ARHGAP32: variants seen among roughly 807,000 people sequenced by gnomAD.
ARHGAP32 encodes Rho GTPase activating protein 32.
In ARHGAP32, 51 loss-of-function variants were observed where a neutral mutation model predicts 186.5. That is an observed-to-expected ratio of 0.27 (90% CI 0.22 to 0.35). The LOEUF (loss-of-function observed/expected upper bound fraction) is 0.35. Among genes scored for constraint, ARHGAP32 ranks in the 10% least tolerant of loss-of-function variants. The pLI is 1.00. For synonymous variants in ARHGAP32, 950 were observed against 964.3 expected, an observed-to-expected ratio of 0.99 and a Z score of 0.27; for missense variants, 2,186 against 2,623.5, an observed-to-expected ratio of 0.83 and a Z score of 3.64.
chr11:128,985,981 G>T, intron 15 of ARHGAP32, 22 bp downstream of exon 15: 1 of 1,588,200 alleles, frequency 6.3e-7, no homozygotes, highest in East Asian at 2.3e-5. Flanking sequence ...CCTCTGCCTG[G>T]TATTTACCCA....
At chr11:129,109,403 C>T (rs1223804584) in intron 5 of ARHGAP32, among the ~76,000 whole-genome samples, 1 of 151,982 alleles carries the variant, frequency 6.6e-6, no homozygotes, top group African/African-American at 2.4e-5. Flanking sequence ...GGGTATCAAT[C>T]CGATACACTG....
At chr11:129,170,887 C>A (rs1291457330) in intron 1 of ARHGAP32, among the ~76,000 whole-genome samples, 1 of 152,138 alleles carries the variant, frequency 6.6e-6, no homozygotes, top group South Asian at 2.1e-4. Context: ...TGGTGTCTCA[C>A]TGTGGTTTTG....
At chr11:128,982,136 G>A (rs1945720957) in intron 15 of ARHGAP32, among the ~76,000 whole-genome samples, 200 bp from the exon 16 acceptor site, 1 of 152,104 alleles carries the variant, frequency 6.6e-6, no homozygotes, top group Non-Finnish European at 1.5e-5. Flanking sequence ...CTAGTTTCTG[G>A]AACAAATAAT....
At chr11:129,072,011 C>A (rs890720459) in intron 6 of ARHGAP32, among the ~76,000 whole-genome samples, 1 of 152,076 alleles carries the variant, frequency 6.6e-6, no homozygotes, top group Non-Finnish European at 1.5e-5. Context: ...CAACTGAATT[C>A]ATAGAAGCAG....
At chr11:129,166,926 G>C (rs1943652738) in intron 1 of ARHGAP32, among the ~76,000 whole-genome samples, 1 of 152,206 alleles carries the variant, frequency 6.6e-6, no homozygotes, top group Admixed American at 6.5e-5. Flanking sequence ...CAGTCAAACA[G>C]TTTAGGATTT....
chr11:129,266,732 G>A (rs1384769631), intron 1 of ARHGAP32, among the ~76,000 whole-genome samples: 1 of 152,156 alleles, frequency 6.6e-6, no homozygotes, highest in Non-Finnish European at 1.5e-5. Context: ...TCAAGCTTTA[G>A]AGGGCCTTGC....
At chr11:128,996,752 A>G (rs1198145192) in intron 12 of ARHGAP32, among the ~76,000 whole-genome samples, 1 of 152,088 alleles carries the variant, frequency 6.6e-6, no homozygotes, top group African/African-American at 2.4e-5. Context: ...CTCACATTTC[A>G]TTCTCAGCAC....
intron 2 of ARHGAP32, among the ~76,000 whole-genome samples, chr11:129,146,277 A>G: frequency 6.6e-6 from 1 of 152,162 alleles, no homozygotes; most frequent in Non-Finnish European, 1.5e-5. Flanking sequence ...AGTTATCCAC[A>G]GTCAACTGCA....
rs138601306 is a variant in ARHGAP32 at position 129,204,720 on chromosome 11, A to G, written c.-4-40293T>C. The stretch of plus-strand genomic sequence containing the variant: ...AGAATCAACAATGACTAGTTTACTT[A>G]AAGTACTAGAGACCATTCAACTACT... On this transcript the variant is annotated intron_variant, in intron 1 of 6. Transcript: ENST00000525234. 4.2e-3 allele frequency among the ~76,000 whole-genome samples: 638 copies of G among 152,346 alleles called. 9 individuals are homozygous for G. Among genetic ancestry groups the G allele is most frequent in the African/African-American group, 0.014 (598 of 41,584 alleles).
rs781140960 is a variant in ARHGAP32, at chr11:128,974,296, G to T, written c.2901C>A (p.Pro967=). The T allele has an allele frequency of 6.2e-7, 1 of 1,614,068 alleles. No individual in the cohort carries two copies. The highest frequency in any genetic ancestry group is 1.7e-5 in the Admixed American group (1 of 60,002). ...TTGTTTTCATCTTTACTATCTGGGT[G>T]GGGGATCTATTTGTGGCATCCCTTT... The part of the protein sequence containing the change: ...VEERDATNRS[P]TQIVKMKTNE... The change falls in exon 21 of 23, where the codon CCC becomes CCA. Residue 967 remains proline, a synonymous_variant. Transcript: ENST00000682385.
At chr11:129,108,768 T>G (rs953737154) in intron 5 of ARHGAP32, among the ~76,000 whole-genome samples, 1 of 152,158 alleles carries the variant, frequency 6.6e-6, no homozygotes, top group African/African-American at 2.4e-5. Flanking sequence ...TGATAGTGTC[T>G]TTGAATGCAC....
chr11:128,989,577 A>G (rs1945985066), intron 12 of ARHGAP32, among the ~76,000 whole-genome samples: 1 of 143,382 alleles, frequency 7.0e-6, no homozygotes, highest in Admixed American at 6.9e-5. Context: ...TTTTTTTATT[A>G]TACTTTAAGT....
intron 2 of ARHGAP32, among the ~76,000 whole-genome samples, chr11:129,162,286 A>G (rs1045473261): frequency 6.6e-5 from 10 of 152,152 alleles, no homozygotes; most frequent in Non-Finnish European, 1.3e-4. Flanking sequence ...CCGGAACTTA[A>G]AAGTATAATA....
chr11:129,086,762 A>T (rs1341396568), intron 6 of ARHGAP32, among the ~76,000 whole-genome samples: 2 of 148,734 alleles, frequency 1.3e-5, no homozygotes, highest in Non-Finnish European at 3.0e-5. Flanking sequence ...CAGAGCTTGC[A>T]GTGAGCCGAG....
At chr11:129,182,043 T>C (rs962447398) in intron 1 of ARHGAP32, among the ~76,000 whole-genome samples, 6 of 152,188 alleles carry the variant, frequency 3.9e-5, no homozygotes, top group Non-Finnish European at 7.4e-5. Flanking sequence ...CATTGTTGTA[T>C]ACCTTGTTTT....
At chr11:129,178,478 A>T (rs1351828003) in intron 1 of ARHGAP32, among the ~76,000 whole-genome samples, 1 of 151,956 alleles carries the variant, frequency 6.6e-6, no homozygotes, top group African/African-American at 2.4e-5. Context: ...AGAGCCCACA[A>T]CGCCAAGTCA....
chr11:129,219,684 C>T (rs1944688806), intron 1 of ARHGAP32, among the ~76,000 whole-genome samples: 1 of 152,108 alleles, frequency 6.6e-6, no homozygotes, highest in African/African-American at 2.4e-5. Context: ...ATTTCAGTAA[C>T]ATTAGCATAC....
In ARHGAP32 at chr11:129,192,254, A is replaced by T; in HGVS notation, c.-56T>A. On this transcript the variant is annotated 5_prime_UTR_variant, in exon 1 of 23. An upstream open reading frame in the 5' UTR gains an earlier in-frame stop. Coordinates refer to ENST00000682385, the MANE Select transcript of ARHGAP32 (RefSeq NM_001378024.1). The stretch of plus-strand genomic sequence containing the variant: ...CTCCAGGCATGGAATAAAAAGCACC[A>T]ACATTCAGGTTGTTCAGCTCTACTC... 1 of 1,261,410 alleles carries T rather than the reference A, an allele frequency of 7.9e-7. No homozygotes were observed. 78.1% of individuals were successfully genotyped at this position (1,261,410 alleles called of 1,614,324 possible).
At position 129,019,866 on chromosome 11, in the gene ARHGAP32, T is replaced by C. The variant is rs535580232; in HGVS notation, c.1045+21062A>G. Among the ~76,000 whole-genome samples, 278 of 152,178 alleles carry C rather than the reference T, an allele frequency of 1.8e-3. 3 individuals carry two copies. The highest frequency in any genetic ancestry group is 6.4e-3 in the African/African-American group (265 of 41,550). ...CCAATCATGACATCATTGGCTAAGG[T>C]ATGTGCTAGTGAAAAAGTACCAGAC... On this transcript the variant is annotated intron_variant, in intron 11 of 22. Coordinates refer to ENST00000682385, the MANE Select transcript of ARHGAP32 (RefSeq NM_001378024.1).
Sources: allele counts gnomAD v4.1 joint callset (sites outside exome capture counted in the v4.1 genomes callset), GRCh38; gene constraint gnomAD v4.1.1; transcripts MANE v1.5; gene names NCBI Gene and HGNC (gene_info 2026-07-23, HGNC 2026-07-21).